The following TCERG1L variants were observed in gnomAD, a reference collection of about 807,000 sequenced individuals.
The protein encoded by TCERG1L is transcription elongation regulator 1 like.
A neutral mutation model predicts 56.3 loss-of-function variants in TCERG1L; 37 were observed. The observed-to-expected ratio is 0.66, with a 90% CI of 0.51 to 0.87. The LOEUF is 0.87. Ranked by LOEUF, TCERG1L falls within the 40% of genes least tolerant of loss-of-function variation. The pLI is 0.00. For missense variants in TCERG1L, 799 were observed against 774.2 expected, an observed-to-expected ratio of 1.03 and a Z score of -0.38; for synonymous variants, 324 against 326.3, an observed-to-expected ratio of 0.99 and a Z score of 0.08.
At chr10:131,236,901 G>A (rs948682382) in intron 4 of TCERG1L, among the ~76,000 whole-genome samples, 4 of 152,000 alleles carry the variant, frequency 2.6e-5, no homozygotes, top group Non-Finnish European at 1.5e-5. Flanking sequence ...ATTCAAGCTC[G>A]CATCATCCTT....
At chr10:131,247,903 C>T (rs1214845229) in intron 4 of TCERG1L, among the ~76,000 whole-genome samples, 1 of 115,196 alleles carries the variant, frequency 8.7e-6, no homozygotes, top group Non-Finnish European at 1.9e-5. Context: ...CAGGTGCACA[C>T]ACGCACACAC....
chr10:131,109,019 G>A (rs1165877020), intron 9 of TCERG1L, among the ~76,000 whole-genome samples: 1 of 151,460 alleles, frequency 6.6e-6, no homozygotes, highest in Admixed American at 6.6e-5. Context: ...TGTGACATGG[G>A]CCCCGTCCAC....
intron 7 of TCERG1L, among the ~76,000 whole-genome samples, chr10:131,139,190 C>A (rs773422400): frequency 4.6e-5 from 7 of 152,214 alleles, no homozygotes; most frequent in African/African-American, 1.4e-4. Flanking sequence ...TTCGGCAGTA[C>A]CTGCCCAAAA....
intron 4 of TCERG1L, among the ~76,000 whole-genome samples, chr10:131,185,366 A>C (rs1845224542): frequency 6.6e-6 from 1 of 152,200 alleles, no homozygotes; most frequent in African/African-American, 2.4e-5. Flanking sequence ...ATGAGCAACA[A>C]AAGAAAAAAT....
chr10:131,167,855 T>C (rs1170271391), intron 4 of TCERG1L, among the ~76,000 whole-genome samples: 1 of 152,208 alleles, frequency 6.6e-6, no homozygotes, highest in African/African-American at 2.4e-5. Context: ...ACTCTCAAAA[T>C]TTTGCAAGTA....
At chr10:131,205,643 C>T (rs1323585396) in intron 4 of TCERG1L, among the ~76,000 whole-genome samples, 1 of 152,220 alleles carries the variant, frequency 6.6e-6, no homozygotes, top group Non-Finnish European at 1.5e-5. Context: ...TGGCAGGGCA[C>T]ATCCTGGCCT....
intron 3 of TCERG1L, among the ~76,000 whole-genome samples, chr10:131,302,808 T>A (rs1334335511): frequency 6.6e-6 from 1 of 151,836 alleles, no homozygotes; most frequent in Non-Finnish European, 1.5e-5. Flanking sequence ...CCCTGGTGTG[T>A]GATGTTCCCC....
rs76779482 is a variant in TCERG1L at position 131,201,703 on chromosome 10, T to C, written c.857-34818A>G. On this transcript the variant is annotated intron_variant, in intron 4 of 11. Coordinates refer to ENST00000368642, the MANE Select transcript of TCERG1L (RefSeq NM_174937.4). The stretch of plus-strand genomic sequence containing the variant: ...TGCTGTTGGGCATTTGGACTTCTTT[T>C]TTATATTTAATCTCCGAATTTTACA... Among the ~76,000 whole-genome samples, 447 of 152,332 alleles carry C rather than the reference T, an allele frequency of 2.9e-3. 2 individuals are homozygous for C. Among genetic ancestry groups the C allele is most frequent in the African/African-American group, 9.6e-3 (401 of 41,592 alleles).
chr10:131,096,280 G>T (rs761165981), intron 11 of TCERG1L, among the ~76,000 whole-genome samples: 1 of 152,132 alleles, frequency 6.6e-6, no homozygotes, highest in Admixed American at 6.5e-5. Context: ...TGCCTCCTCC[G>T]CCTCTGTCCC....
intron 10 of TCERG1L, among the ~76,000 whole-genome samples, chr10:131,100,722 G>A (rs1365046838): frequency 3.9e-5 from 6 of 152,164 alleles, no homozygotes; most frequent in Non-Finnish European, 8.8e-5. Flanking sequence ...TCACACCAGG[G>A]GCCTTAGCTT....
chr10:131,167,825 T>C (rs573405711), intron 4 of TCERG1L, among the ~76,000 whole-genome samples: 25 of 152,280 alleles, frequency 1.6e-4, no homozygotes, highest in African/African-American at 6.0e-4. Context: ...TTTTTTGTCT[T>C]CTCCAAAAAT....
rs1846903351 is a variant in TCERG1L at position 131,311,660 on chromosome 10, C to A, written c.-25G>T. ...TCCTACATCCCCGCGCTGACGGCGG[C>A]GGCGGGGGCGGCGGGCGCCCGAGAT... On this transcript the variant is annotated 5_prime_UTR_variant, in exon 1 of 12. Coordinates refer to ENST00000368642, the MANE Select transcript of TCERG1L (RefSeq NM_174937.4). This position sits in a 1 kb window ranked among gnomAD's most constrained non-coding sequence, Gnocchi z 4.0. 9.3e-7 allele frequency: 1 copy of A among 1,074,776 alleles called. No individual in the cohort carries two copies. Among genetic ancestry groups the A allele is most frequent in the East Asian group, 5.2e-5 (1 of 19,168 alleles). The allele number at this position is 1,074,776 out of a possible 1,614,324, so 66.6% of individuals were successfully genotyped here.
chr10:131,157,683 T>A (rs1184481163), intron 6 of TCERG1L, among the ~76,000 whole-genome samples: 2 of 151,722 alleles, frequency 1.3e-5, no homozygotes, highest in East Asian at 1.9e-4. Context: ...AAAGAAGATT[T>A]AAAAAAAAAG....
chr10:131,093,393 C>A (rs775360869), intron 11 of TCERG1L, 75 bp from the exon 12 acceptor site: 1 of 1,544,256 alleles, frequency 6.5e-7, no homozygotes, highest in Non-Finnish European at 8.8e-7. Context: ...GCAGCGGCAC[C>A]GCCTGAGCAA....
At chr10:131,179,238 C>T (rs904517502) in intron 4 of TCERG1L, among the ~76,000 whole-genome samples, 1 of 152,232 alleles carries the variant, frequency 6.6e-6, no homozygotes, top group Non-Finnish European at 1.5e-5. Flanking sequence ...CACGCAGCCA[C>T]GTGGGCAGCA....
chr10:131,206,316 G>A (rs1845526508), intron 4 of TCERG1L, among the ~76,000 whole-genome samples: 1 of 152,174 alleles, frequency 6.6e-6, no homozygotes, highest in Non-Finnish European at 1.5e-5. Flanking sequence ...GTCAGCCCGG[G>A]ACACACCCTC....
intron 3 of TCERG1L, among the ~76,000 whole-genome samples, chr10:131,282,616 T>C (rs1046860264): frequency 6.6e-6 from 1 of 151,710 alleles, no homozygotes; most frequent in Non-Finnish European, 1.5e-5. Context: ...GTTTTAAAAA[T>C]AACCCTGCTT....
chr10:131,259,264 T>C (rs180748508), intron 4 of TCERG1L, among the ~76,000 whole-genome samples: 2,704 of 152,284 alleles, frequency 0.018, 59 homozygotes, highest in Middle Eastern at 0.048. Context: ...AGTAGGTATA[T>C]ATTTATGTGT....
At chr10:131,153,731 C>T (rs1262103264) in intron 6 of TCERG1L, among the ~76,000 whole-genome samples, 1 of 152,208 alleles carries the variant, frequency 6.6e-6, no homozygotes, top group Middle Eastern at 3.2e-3. Flanking sequence ...AGCCAGCACC[C>T]TGGAATGCCC....
Sources: allele counts gnomAD v4.1 joint callset (sites outside exome capture counted in the v4.1 genomes callset), GRCh38; gene constraint gnomAD v4.1.1; non-coding constraint Gnocchi (gnomAD v3.1); transcripts MANE v1.5; gene names NCBI Gene and HGNC (gene_info 2026-07-23, HGNC 2026-07-21).